Variants in ZFHX3 observed in about 807,000 individuals in gnomAD.
ZFHX3 encodes zinc finger homeobox protein 3.
A neutral mutation model predicts 279.1 loss-of-function variants in ZFHX3; 42 were observed. The observed-to-expected ratio is 0.15, with a 90% confidence interval of 0.12 to 0.19. The LOEUF is 0.19. ZFHX3 is among the 10% of genes least tolerant of loss of function. The pLI, the probability that ZFHX3 is intolerant of heterozygous loss-of-function variation, is 1.00. For synonymous variants in ZFHX3, 2,293 were observed against 1,957.8 expected (o/e 1.17, Z -4.52); for missense variants, 4,981 against 4,754.0 (o/e 1.05, Z -1.40).
intron 1 of ZFHX3, among the ~76,000 whole-genome samples, chr16:72,961,792 CT>C (rs1961591551): frequency 1.3e-5 from 2 of 152,178 alleles, no homozygotes; most frequent in Non-Finnish European, 1.5e-5. Flanking sequence ...ACACATACCC[CT>C]ATCTCTCCAT....
chr16:72,912,072 A>T lies in ZFHX3; in HGVS notation c.3217-22110T>A, dbSNP rs79111200. On this transcript the variant is annotated intron_variant, in intron 3 of 9. Transcript: ENST00000268489. Reference sequence around the variant, plus strand: ...GCAGAAAACGGGAGGATAAAAGGCGAGGCAGGAAAGGCTGATTTTCAGCAA... The same window carrying T: ...GCAGAAAACGGGAGGATAAAAGGCGTGGCAGGAAAGGCTGATTTTCAGCAA... Among the ~76,000 whole-genome samples the T allele has an allele frequency of 1.3e-3, 198 of 152,354 alleles. 3 individuals carry two copies. In the East Asian group the frequency reaches 0.026, roughly 20 times the overall value.
chr16:73,095,696 G>T (rs1051149147), intron 7 of ZFHX3, among the ~76,000 whole-genome samples: 2 of 152,120 alleles, frequency 1.3e-5, no homozygotes, highest in Non-Finnish European at 2.9e-5. Flanking sequence ...ATAAACATTG[G>T]CCTGATGCCA....
At position 72,958,700 on chromosome 16, in the gene ZFHX3, TTCCTCCTCCTCTTCTTCCTCC is replaced by T. The variant is rs773341053; in HGVS notation, c.1425_1445del (p.Glu481_Glu487del). 40 of 1,613,742 alleles carry T rather than the reference TTCCTCCTCCTCTTCTTCCTCC, an allele frequency of 2.5e-5. No individual in the cohort carries two copies. Among genetic ancestry groups the T allele is most frequent in the Non-Finnish European group, 3.4e-5 (40 of 1,179,918 alleles). On this transcript the variant is annotated inframe_deletion, in exon 2 of 10. Transcript: ENST00000268489. The stretch of plus-strand genomic sequence containing the variant: ...AACCCTCGTCTTCCTCCTCCTCTTC[TTCCTCCTCCTCTTCTTCCTCC>T]TCCTCCTCCGCCTCTTCCTCCTCCT...
At chr16:73,168,848 C>G (rs757329561) in intron 5 of ZFHX3, among the ~76,000 whole-genome samples, 1 of 152,212 alleles carries the variant, frequency 6.6e-6, no homozygotes, top group Non-Finnish European at 1.5e-5. Flanking sequence ...TTTCAAGTCA[C>G]CTCCTTGTCC....
At chr16:72,983,594 C>A (rs1391551476) in intron 1 of ZFHX3, among the ~76,000 whole-genome samples, 1 of 152,154 alleles carries the variant, frequency 6.6e-6, no homozygotes, top group African/African-American at 2.4e-5. Flanking sequence ...GTAGTCCCAG[C>A]TACTCAGGAG....
chr16:73,169,876 C>T (rs1362450405), intron 5 of ZFHX3, among the ~76,000 whole-genome samples: 1 of 152,006 alleles, frequency 6.6e-6, no homozygotes, highest in African/African-American at 2.4e-5. Context: ...TCTGACCCAC[C>T]CAATTGTAAA....
At chr16:73,765,948 T>C (rs777677550) in intron 1 of ZFHX3, among the ~76,000 whole-genome samples, 17 of 152,192 alleles carry the variant, frequency 1.1e-4, no homozygotes, top group Admixed American at 2.0e-4. Flanking sequence ...GAATAAAGCC[T>C]GAGGCTTACT....
In ZFHX3 at chr16:72,799,905, TCTC is replaced by T. The variant is rs2036043182; in HGVS notation, c.3967+119_3967+121del. On this transcript the variant is annotated intron_variant, in intron 8 of 9. Transcript: ENST00000268489. ...AAGTAGCTGATGACAGTGCCCCTCA[TCTC>T]CTGATCAGTTACATTCACCTTAAGA... 4 of 840,154 alleles carry T rather than the reference TCTC, an allele frequency of 4.8e-6. No homozygotes were observed. In the Admixed American group the frequency reaches 7.6e-5, roughly 16 times the overall value. The allele number at this position is 840,154 out of a possible 1,614,324, so 52.0% of individuals were successfully genotyped here. A position where few individuals can be genotyped will look rare whatever the true frequency, so the allele number is the denominator to read the frequency against.
chr16:73,401,111 CATCATCT>C (rs1312895857), intron 3 of ZFHX3: 1 of 151,952 alleles, frequency 6.6e-6, no homozygotes, highest in Non-Finnish European at 1.5e-5. Context: ...AGAAAACATC[CATCATCT>C]ATCTTTCCCT....
At chr16:73,723,269 A>C (rs1222114665) in intron 1 of ZFHX3, among the ~76,000 whole-genome samples, 1 of 152,286 alleles carries the variant, frequency 6.6e-6, no homozygotes, top group African/African-American at 2.4e-5. Context: ...GATCTTGGGA[A>C]GTACTAAAAA....
intron 5 of ZFHX3, among the ~76,000 whole-genome samples, chr16:73,172,428 C>G (rs1597201654): frequency 6.6e-6 from 1 of 152,182 alleles, no homozygotes; most frequent in Non-Finnish European, 1.5e-5. Context: ...CAAAATAGCC[C>G]CAGCCGAGCT....
chr16:72,968,136 T>TAC (rs748944076), intron 1 of ZFHX3, among the ~76,000 whole-genome samples: 21 of 152,034 alleles, frequency 1.4e-4, no homozygotes, highest in Non-Finnish European at 2.9e-4. Flanking sequence ...CCTGGTAGGA[T>TAC]ACACCGAGAG....
At chr16:72,828,708 T>A (rs1162109952) in intron 5 of ZFHX3, among the ~76,000 whole-genome samples, 1 of 152,160 alleles carries the variant, frequency 6.6e-6, no homozygotes, top group African/African-American at 2.4e-5. Context: ...CCCTTAGTAA[T>A]TTTTTATTTT....
intron 1 of ZFHX3, among the ~76,000 whole-genome samples, chr16:73,765,808 A>G (rs754343017): frequency 2.6e-5 from 4 of 152,162 alleles, no homozygotes; most frequent in Non-Finnish European, 1.5e-5. Context: ...AAGGTGCTCT[A>G]TTTTTCCGGA....
chr16:73,382,069 T>A (rs1184505934), intron 3 of ZFHX3, among the ~76,000 whole-genome samples: 2 of 152,234 alleles, frequency 1.3e-5, no homozygotes, highest in African/African-American at 4.8e-5. Flanking sequence ...CCATAGTTTG[T>A]CAACCTCTGG....
At chr16:73,120,686 G>A (rs912354531) in intron 7 of ZFHX3, among the ~76,000 whole-genome samples, 17 of 113,752 alleles carry the variant, frequency 1.5e-4, no homozygotes, top group Non-Finnish European at 2.0e-4. Context: ...ACAGAATCTC[G>A]CTCTGTCGCC....
rs74967099 is a variant in ZFHX3 at position 73,516,965 on chromosome 16, G to A, written c.-1546-60707C>T. Reference sequence around the variant, plus strand: ...TGTTTACCTCACTGTGTTGATACATGAGATCAAGTACAGAAAAACGCATGA... The same window carrying A: ...TGTTTACCTCACTGTGTTGATACATAAGATCAAGTACAGAAAAACGCATGA... On this transcript the variant is annotated intron_variant, in intron 2 of 17. Transcript: ENST00000641206. 1.4e-4 allele frequency among the ~76,000 whole-genome samples: 22 copies of A among 152,268 alleles called. No individual in the cohort carries two copies. In the East Asian group the frequency reaches 4.3e-3, roughly 29 times the overall value.
intron 5 of ZFHX3, among the ~76,000 whole-genome samples, chr16:73,215,998 G>C (rs557421923): frequency 6.6e-6 from 1 of 152,250 alleles, no homozygotes; most frequent in Admixed American, 6.5e-5. Context: ...ATATGATCTA[G>C]ATAGTGATTG....
At position 72,957,956 on chromosome 16, in the gene ZFHX3, C is replaced by G; in HGVS notation, c.2190G>C (p.Val730=). The change falls in exon 2 of 10, where the codon GTG becomes GTC. Residue 730 remains valine, a synonymous_variant. Coordinates refer to ENST00000268489, the MANE Select transcript of ZFHX3 (RefSeq NM_006885.4). ...TCGYKPFRCE[V]CNYSTTTKGN... ...CTTTGGTAGTTGTGGAGTAGTTACA[C>G]ACCTCGCAGCGGAAAGGCTTGTAAC... The G allele has an allele frequency of 6.2e-7, 1 of 1,614,170 alleles. No individual in the cohort carries two copies. Among genetic ancestry groups the G allele is most frequent in the Non-Finnish European group, 8.5e-7 (1 of 1,180,042 alleles).
Sources: gnomAD v4.1 joint callset for allele counts (sites outside exome capture counted in the v4.1 genomes callset) on GRCh38, gnomAD v4.1.1 for gene constraint, MANE v1.5 for transcripts, NCBI Gene and HGNC (gene_info 2026-07-23, HGNC 2026-07-21) for gene names.